SEZ6L: variants seen among roughly 807,000 people sequenced by gnomAD.
SEZ6L encodes the protein seizure related 6 homolog like, also known as seizure 6-like protein.
A neutral mutation model predicts 106.2 loss-of-function variants in SEZ6L; 37 were observed. That is an observed-to-expected ratio of 0.35 (90% CI 0.27 to 0.46). The LOEUF is 0.46. Among genes scored for constraint, SEZ6L ranks in the 20% least tolerant of loss-of-function variants. The pLI, the probability that SEZ6L is intolerant of heterozygous loss-of-function variation, is 1.00. For synonymous variants in SEZ6L, 541 were observed against 570.4 expected (o/e 0.95, Z 0.73); for missense variants, 1,172 against 1,332.8 (o/e 0.88, Z 1.88).
chr22:26,276,304 A>T (rs775226345), intron 1 of SEZ6L, among the ~76,000 whole-genome samples: 5 of 152,210 alleles, frequency 3.3e-5, no homozygotes, highest in Admixed American at 1.3e-4. Context: ...AGGTTTTGAG[A>T]GATGGAATTT....
In SEZ6L at chr22:26,382,243, AC is replaced by A; in HGVS notation, c.*1949del. The A allele has an allele frequency of 4.1e-6, 1 of 243,740 alleles. No individual in the cohort carries two copies. The highest frequency in any genetic ancestry group is 4.7e-5 in the South Asian group (1 of 21,316). 15.1% of individuals were successfully genotyped at this position (243,740 alleles called of 1,614,324 possible). A position where few individuals can be genotyped will look rare whatever the true frequency, so the allele number is the denominator to read the frequency against. ...ACAATGTCATGTTTGGAGAAAGATA[AC>A]AACACAAATAATGTAACCTTTCCTT... On this transcript the variant is annotated 3_prime_UTR_variant, in exon 17 of 17. Transcript: ENST00000248933.
intron 1 of SEZ6L, among the ~76,000 whole-genome samples, chr22:26,221,513 C>T (rs532349183): frequency 6.6e-6 from 1 of 152,236 alleles, no homozygotes; most frequent in East Asian, 1.9e-4. Context: ...AGACACACTG[C>T]CTCACAGAGG....
At chr22:26,347,199 A>AATGATGATGATGATG (rs3071639) in intron 10 of SEZ6L, among the ~76,000 whole-genome samples, 1,997 of 149,828 alleles carry the variant, frequency 0.013, 38 homozygotes, top group African/African-American at 0.04. Context: ...CTGTAAAAAT[A>AATGATGATGATGATG]ATGATGATGA....
chr22:26,202,328 C>T (rs1319503030), intron 1 of SEZ6L, among the ~76,000 whole-genome samples: 1 of 152,142 alleles, frequency 6.6e-6, no homozygotes, highest in African/African-American at 2.4e-5. Context: ...TAGATGATCC[C>T]ATAGGAAAAT....
chr22:26,297,677 G>C (rs1329276887), intron 4 of SEZ6L, among the ~76,000 whole-genome samples: 2 of 151,954 alleles, frequency 1.3e-5, no homozygotes, highest in African/African-American at 4.8e-5. Context: ...CTTTTTGTCT[G>C]TTCCTGTCTT....
rs189178540 is a variant in SEZ6L, at chr22:26,204,908, C to G, written c.94+35145C>G. Among the ~76,000 whole-genome samples the G allele has an allele frequency of 2.6e-5, 4 of 152,318 alleles. No homozygotes were observed. In the East Asian group the frequency reaches 7.7e-4, roughly 29 times the overall value. On this transcript the variant is annotated intron_variant, in intron 1 of 16. Transcript: ENST00000248933. ...TTCTGTTCACTGCCCCTGCCCAGCT[C>G]TATCTCTCTTTCTGATAAAAGACCT...
chr22:26,278,157 G>A (rs2080614058), intron 1 of SEZ6L, among the ~76,000 whole-genome samples: 1 of 152,186 alleles, frequency 6.6e-6, no homozygotes, highest in Admixed American at 6.5e-5. Flanking sequence ...CAGGGAAGGG[G>A]CGGTTTAGAA....
chr22:26,308,278 A>G (rs1569456229), intron 6 of SEZ6L, among the ~76,000 whole-genome samples: 1 of 150,646 alleles, frequency 6.6e-6, no homozygotes, highest in Non-Finnish European at 1.5e-5. Flanking sequence ...TATTCCAAGC[A>G]TGGAGAATTG....
chr22:26,256,045 T>C (rs2079807990), intron 1 of SEZ6L, among the ~76,000 whole-genome samples: 1 of 151,868 alleles, frequency 6.6e-6, no homozygotes, highest in Non-Finnish European at 1.5e-5. Context: ...AGGAAGAGAG[T>C]TCTATGTACA....
At chr22:26,360,733 C>A (rs902347724) in intron 12 of SEZ6L, among the ~76,000 whole-genome samples, 1 of 152,092 alleles carries the variant, frequency 6.6e-6, no homozygotes, top group South Asian at 2.1e-4. Context: ...ACAGCTGAGA[C>A]CACACTGGGC....
chr22:26,379,472 G>T (rs1436132931), intron 16 of SEZ6L, among the ~76,000 whole-genome samples: 1 of 152,262 alleles, frequency 6.6e-6, no homozygotes, highest in Non-Finnish European at 1.5e-5. Context: ...GTACCATGAA[G>T]CATAGATGTG....
chr22:26,248,462 C>T (rs2079443670), intron 1 of SEZ6L, among the ~76,000 whole-genome samples: 2 of 152,204 alleles, frequency 1.3e-5, no homozygotes, highest in South Asian at 4.1e-4. Flanking sequence ...TCAAGCAATC[C>T]TCCCACTTCA....
At chr22:26,329,024 G>T (rs1191624210) in intron 9 of SEZ6L, among the ~76,000 whole-genome samples, 2 of 152,126 alleles carry the variant, frequency 1.3e-5, no homozygotes, top group Admixed American at 6.5e-5. Context: ...TTAAACCTCC[G>T]CGGGGATTCT....
At position 26,347,893 on chromosome 22, in the gene SEZ6L, A is replaced by AC. The variant is rs1282040356; in HGVS notation, c.2393dup (p.Phe799IlefsTer3). 6.4e-7 allele frequency: 1 copy of AC among 1,566,220 alleles called. No homozygotes were observed. The highest frequency in any genetic ancestry group is 2.1e-5 in the Admixed American group (1 of 47,208). ...CAGTGGGACCTCAGCTGGAGCAGCGACCCCCCATTTTGTGAGAAAAGTAAG... is the reference window on the plus strand; with the variant it reads ...CAGTGGGACCTCAGCTGGAGCAGCGACCCCCCCATTTTGTGAGAAAAGTAAG... On this transcript the variant is annotated frameshift_variant, in exon 11 of 17. Coordinates refer to ENST00000248933, the MANE Select transcript of SEZ6L (RefSeq NM_021115.5). LOFTEE classifies it high-confidence loss of function.
intron 1 of SEZ6L, among the ~76,000 whole-genome samples, chr22:26,263,058 C>G (rs993727931): frequency 1.3e-5 from 2 of 152,202 alleles, no homozygotes; most frequent in African/African-American, 2.4e-5. Context: ...AGCCCTGGTT[C>G]CCCTAAATTC....
chr22:26,228,733 G>A (rs2078708784), intron 1 of SEZ6L, among the ~76,000 whole-genome samples: 1 of 152,148 alleles, frequency 6.6e-6, no homozygotes, highest in Admixed American at 6.5e-5. Flanking sequence ...AACACCATGG[G>A]TTAGGAAGCC....
chr22:26,364,364 T>C lies in SEZ6L; in HGVS notation c.2600-1008T>C, dbSNP rs911058287. 2.7e-5 allele frequency among the ~76,000 whole-genome samples: 4 copies of C among 149,746 alleles called. No homozygotes were observed. In the East Asian group the frequency reaches 7.8e-4, roughly 29 times the overall value. On this transcript the variant is annotated intron_variant, in intron 12 of 16. Transcript: ENST00000248933. ...ACCTTGGGAGGCTGTGGCAGGAGAA[T>C]TGCTTGAGCCCAGGAGTTTGAGACC...
rs9789925 is a variant in SEZ6L at position 26,359,482 on chromosome 22, G to A, written c.2600-5890G>A. ...TTAACACGTTACCCAACCGTTCTGCGCTGCATTCTCCTTGGATACAAAATG... is the reference window on the plus strand; with the variant it reads ...TTAACACGTTACCCAACCGTTCTGCACTGCATTCTCCTTGGATACAAAATG... On this transcript the variant is annotated intron_variant, in intron 12 of 16. Transcript: ENST00000248933. Among the ~76,000 whole-genome samples the A allele has an allele frequency of 6.3e-4, 96 of 152,196 alleles. 2 individuals are homozygous for A. In the East Asian group the frequency reaches 0.017, roughly 27 times the overall value.
At chr22:26,281,281 G>T (rs1250712519) in intron 1 of SEZ6L, among the ~76,000 whole-genome samples, 1 of 152,084 alleles carries the variant, frequency 6.6e-6, no homozygotes, top group Non-Finnish European at 1.5e-5. Context: ...GTCACTATGA[G>T]ACCCTGTAGA....
Sources: allele counts gnomAD v4.1 joint callset (sites outside exome capture counted in the v4.1 genomes callset), GRCh38; gene constraint gnomAD v4.1.1; transcripts MANE v1.5; gene names NCBI Gene and HGNC (gene_info 2026-07-23, HGNC 2026-07-21).